Variants in NIPAL4 observed in about 807,000 individuals in gnomAD.
NIPAL4 encodes NIPA like domain containing 4, also known as magnesium transporter NIPA4.
NIPAL4 carries 21 observed loss-of-function variants against 31.6 expected under a neutral mutation model. The ratio of observed to expected loss-of-function variants is 0.67; its 90% CI spans 0.47 to 0.96. NIPAL4 has a LOEUF of 0.96. Ranked by LOEUF, NIPAL4 falls within the 40% of genes least tolerant of loss-of-function variation. The probability of loss-of-function intolerance (pLI) is 0.00; values close to 1 mark genes in which losing one functional copy is unlikely to be tolerated. For missense variants in NIPAL4, 438 were observed against 508.0 expected, an observed-to-expected ratio of 0.86 and a Z score of 1.32; for synonymous variants, 175 against 211.1, an observed-to-expected ratio of 0.83 and a Z score of 1.48.
chr5:157,466,018 G>T (rs114770562), intron 2 of NIPAL4, among the ~76,000 whole-genome samples: 484 of 150,408 alleles, frequency 3.2e-3, no homozygotes, highest in African/African-American at 0.011. Flanking sequence ...AAGGAAAAAG[G>T]TAAGGAAGAA....
chr5:157,462,415 G>A (rs1340793009), intron 1 of NIPAL4, among the ~76,000 whole-genome samples: 1 of 152,166 alleles, frequency 6.6e-6, no homozygotes, highest in East Asian at 1.9e-4. Context: ...TGCTTTGGGA[G>A]GCTGAGGCAG....
intron 3 of NIPAL4, chr5:157,467,395 G>A (rs1754307164): frequency 2.7e-6 from 1 of 366,846 alleles, no homozygotes; most frequent in Non-Finnish European, 5.3e-6. Flanking sequence ...ACTGCCTGTT[G>A]GTAGTGGACT....
At chr5:157,466,553 G>A (rs1240473224) in intron 2 of NIPAL4, among the ~76,000 whole-genome samples, 1 of 152,202 alleles carries the variant, frequency 6.6e-6, no homozygotes, top group African/African-American at 2.4e-5. Context: ...GGATAACAGT[G>A]CCTTCGTGTA....
chr5:157,466,656 A>C (rs1387986460), intron 2 of NIPAL4, among the ~76,000 whole-genome samples: 1 of 152,204 alleles, frequency 6.6e-6, no homozygotes, highest in Non-Finnish European at 1.5e-5. Context: ...GAAGAGTCAA[A>C]GAGCAATTCC....
intron 2 of NIPAL4, among the ~76,000 whole-genome samples, chr5:157,464,388 G>A (rs1754195506): frequency 6.6e-6 from 1 of 152,166 alleles, no homozygotes; most frequent in Non-Finnish European, 1.5e-5. Context: ...AAGGTTTTAG[G>A]AAGGCGAGTG....
chr5:157,471,918 C>T (rs1280077975), intron 5 of NIPAL4, 101 bp downstream of exon 5: 2 of 867,578 alleles, frequency 2.3e-6, no homozygotes, highest in African/African-American at 3.3e-5. Flanking sequence ...TCAGGTGCTG[C>T]CACCTAGAGG....
rs1258180101 is a variant in NIPAL4 at position 157,472,488 on chromosome 5, C to T, written c.743C>T (p.Thr248Ile). 1.9e-6 allele frequency: 3 copies of T among 1,613,804 alleles called. No individual in the cohort carries two copies. The highest frequency in any genetic ancestry group is 1.7e-6 in the Non-Finnish European group (2 of 1,179,880). ...SVAAVKGLGI[T>I]IKNFFQGLPV... ...GCTGCTGTCAAGGGGCTGGGCATCA[C>T]CATCAAGAACTTCTTCCAGGGGCTG... is the stretch of plus-strand genomic sequence containing the variant. The change falls in exon 6 of 6, where the codon ACC (threonine) becomes ATC (isoleucine). Residue 248 changes from threonine (T) to isoleucine (I), a missense_variant. By Grantham distance (89) the Thr-to-Ile change is moderately conservative. Coordinates refer to ENST00000311946, the MANE Select transcript of NIPAL4 (RefSeq NM_001099287.2).
rs1020973839 is a variant in NIPAL4 at position 157,460,365 on chromosome 5, C to A, written c.37+8C>A. On this transcript the variant is annotated splice_region_variant and intron_variant, in intron 1 of 5. Transcript: ENST00000311946. Reference sequence around the variant, plus strand: ...ACACCAGCTGCGAGAACGGTGCGTACGGCAGGGCTGGGGACCAGGCGGGCT... The same window carrying A: ...ACACCAGCTGCGAGAACGGTGCGTAAGGCAGGGCTGGGGACCAGGCGGGCT... 1.3e-6 allele frequency: 2 copies of A among 1,542,836 alleles called. No individual in the cohort carries two copies. The highest frequency in any genetic ancestry group is 1.7e-6 in the Non-Finnish European group (2 of 1,144,882).
rs559851627 is a variant in NIPAL4, at chr5:157,469,777, C to A, written c.425+965C>A. The stretch of plus-strand genomic sequence containing the variant: ...GTAGCAGACCACACCCAGTACCCAT[C>A]ATTTGTTTTACCATCTTGATGAAAA... On this transcript the variant is annotated intron_variant, in intron 4 of 5. Coordinates refer to ENST00000311946, the MANE Select transcript of NIPAL4 (RefSeq NM_001099287.2). Among the ~76,000 whole-genome samples, 9 of 152,302 alleles carry A rather than the reference C, an allele frequency of 5.9e-5. No individual in the cohort carries two copies. In the East Asian group the frequency reaches 1.7e-3, roughly 29 times the overall value.
chr5:157,471,599 T>C, intron 4 of NIPAL4, 58 bp from the exon 5 acceptor site: 1 of 1,415,214 alleles, frequency 7.1e-7, no homozygotes, highest in Non-Finnish European at 9.7e-7. Context: ...CCCATTTTCT[T>C]TGGGACTCTG....
At position 157,474,569 on chromosome 5, in the gene NIPAL4, C is replaced by T. The variant is rs1047031425; in HGVS notation, c.*1609C>T. ...CCAGCAGACTGGCTCCCTGACTCTTCAGCCTCAAATCCCCAGTTTTTGATG... is the reference window on the plus strand; with the variant it reads ...CCAGCAGACTGGCTCCCTGACTCTTTAGCCTCAAATCCCCAGTTTTTGATG... On this transcript the variant is annotated 3_prime_UTR_variant, in exon 6 of 6. Transcript: ENST00000311946. 6.6e-6 allele frequency: 1 copy of T among 152,240 alleles called. No homozygotes were observed. The highest frequency in any genetic ancestry group is 2.4e-5 in the African/African-American group (1 of 41,472). 9.4% of individuals were successfully genotyped at this position (152,240 alleles called of 1,614,324 possible).
At position 157,472,646 on chromosome 5, in the gene NIPAL4, T is replaced by C; in HGVS notation, c.901T>C (p.Phe301Leu). 6.2e-7 allele frequency: 1 copy of C among 1,613,988 alleles called. No individual in the cohort carries two copies. Among genetic ancestry groups the C allele is most frequent in the South Asian group, 1.1e-5 (1 of 91,080 alleles). The change falls in exon 6 of 6, where the codon TTC (phenylalanine) becomes CTC (leucine). Residue 301 changes from phenylalanine to leucine, a missense_variant. Phe to Leu is a conservative substitution (Grantham distance 22). Transcript: ENST00000311946. ...TSLVFPIYYV[F>L]FTTVVVTSSI... ...CCTGGTGTTCCCCATCTACTACGTG[T>C]TCTTCACCACGGTGGTCGTTACCTC...
At chr5:157,471,304 A>G (rs1345084897) in intron 4 of NIPAL4, among the ~76,000 whole-genome samples, 7 of 152,340 alleles carry the variant, frequency 4.6e-5, no homozygotes, top group African/African-American at 1.4e-4. Flanking sequence ...TGCGGGATAC[A>G]TTCAGAATGT....
Position 157,467,052 on chromosome 5 carries a change from A to T in NIPAL4, c.281A>T (p.Asp94Val). 6.2e-7 allele frequency: 1 copy of T among 1,605,090 alleles called. No individual in the cohort carries two copies. Among genetic ancestry groups the T allele is most frequent in the Non-Finnish European group, 8.5e-7 (1 of 1,173,746 alleles). Residue 94 changes from aspartate to valine, a missense_variant, in exon 3 of 6, where the codon GAT becomes GTT. Asp to Val is a radical substitution (Grantham distance 152, BLOSUM62 -3). Transcript: ENST00000311946. ...TTTGTGTCCATTCCCTCCACAGTGGATGGAGGCTTCGGCTACCTGAAAGAT... is the reference window on the plus strand; with the variant it reads ...TTTGTGTCCATTCCCTCCACAGTGGTTGGAGGCTTCGGCTACCTGAAAGAT... ...LVATGATRAVDGGFGYLKDAM... is the reference protein window; with the variant it reads ...LVATGATRAVVGGFGYLKDAM...
rs1210461038 is a variant in NIPAL4, at chr5:157,472,697, T to C, written c.952T>C (p.Tyr318His). The change falls in exon 6 of 6, where the codon TAC becomes CAC. Residue 318 changes from tyrosine (Y) to histidine (H), a missense_variant. Tyr to His is a moderately conservative substitution (Grantham distance 83). Transcript: ENST00000311946. ...TSSIILFKEWYSMSAVDIAGT... is the reference protein window; with the variant it reads ...TSSIILFKEWHSMSAVDIAGT... ...GTCCATCATCCTCTTCAAGGAGTGG[T>C]ACAGCATGTCTGCTGTGGACATTGC... is the stretch of plus-strand genomic sequence containing the variant. 2 of 1,614,040 alleles carry C rather than the reference T, an allele frequency of 1.2e-6. No individual in the cohort carries two copies. The highest frequency in any genetic ancestry group is 2.2e-5 in the South Asian group (2 of 91,088).
At chr5:157,471,960 G>C in intron 5 of NIPAL4, 143 bp downstream of exon 5, 1 of 660,948 alleles carries the variant, frequency 1.5e-6, no homozygotes. Flanking sequence ...ATGTTAATGG[G>C]CTGGTACTTG....
chr5:157,461,882 T>C (rs79720660), intron 1 of NIPAL4, among the ~76,000 whole-genome samples: 1,797 of 152,346 alleles, frequency 0.012, 37 homozygotes, highest in African/African-American at 0.041. Flanking sequence ...CTGTTATTCA[T>C]GGGTCTGTGT....
chr5:157,471,428 C>T (rs60217022), intron 4 of NIPAL4, among the ~76,000 whole-genome samples: 75 of 152,220 alleles, frequency 4.9e-4, no homozygotes, highest in African/African-American at 1.7e-3. Flanking sequence ...CAATGTCTCC[C>T]GTGGATATTA....
rs1754214683 is a variant in NIPAL4, at chr5:157,464,984, G to T, written c.277+1651G>T. Among the ~76,000 whole-genome samples, 3 of 152,194 alleles carry T rather than the reference G, an allele frequency of 2.0e-5. No individual in the cohort carries two copies. In the East Asian group the frequency reaches 5.8e-4, roughly 29 times the overall value. ...CCTAGCACAGAGTAGCACTAGTATT[G>T]GTATTACTGTTATCTCAGTGAAAGG... is the stretch of plus-strand genomic sequence containing the variant. On this transcript the variant is annotated intron_variant, in intron 2 of 5. Transcript: ENST00000311946.
Sources: allele counts gnomAD v4.1 joint callset (sites outside exome capture counted in the v4.1 genomes callset), GRCh38; gene constraint gnomAD v4.1.1; transcripts MANE v1.5; gene names NCBI Gene and HGNC (gene_info 2026-07-23, HGNC 2026-07-21).